PTPN14: variants seen among roughly 807,000 people sequenced by gnomAD.
The protein encoded by PTPN14 is protein tyrosine phosphatase non-receptor type 14.
A neutral mutation model predicts 126.8 loss-of-function variants in PTPN14; 53 were observed. That is an observed-to-expected ratio of 0.42 (90% CI 0.34 to 0.53). The LOEUF (loss-of-function observed/expected upper bound fraction) is 0.53. PTPN14 is among the 20% of genes least tolerant of loss of function. The pLI, the probability that PTPN14 is intolerant of heterozygous loss-of-function variation, is 0.08. For synonymous variants in PTPN14, 630 were observed against 599.3 expected (o/e 1.05, Z -0.75); for missense variants, 1,257 against 1,552.9 (o/e 0.81, Z 3.20).
At chr1:214,545,569 T>C (rs1325692279) in intron 1 of PTPN14, among the ~76,000 whole-genome samples, 3 of 152,140 alleles carry the variant, frequency 2.0e-5, no homozygotes, top group Admixed American at 2.0e-4. Flanking sequence ...GCAATGCTCT[T>C]GGAACAATCT....
intron 3 of PTPN14, among the ~76,000 whole-genome samples, chr1:214,426,117 T>C (rs1225447291): frequency 1.3e-5 from 2 of 150,652 alleles, no homozygotes; most frequent in African/African-American, 2.4e-5. Context: ...CATGAATCCA[T>C]TGACAACATA....
rs900721275 is a variant in PTPN14, at chr1:214,551,421, G to A, written c.-393C>T. On this transcript the variant is annotated 5_prime_UTR_variant, in exon 1 of 19. Coordinates refer to ENST00000366956, the MANE Select transcript of PTPN14 (RefSeq NM_005401.5). ...ACCTAAGCACGGGGCTGTCCCGCCC[G>A]AGGAGGCCGGGGAGGATGGCTCAGC... 1 of 152,558 alleles carries A rather than the reference G, an allele frequency of 6.6e-6. No individual in the cohort carries two copies. Among genetic ancestry groups the A allele is most frequent in the African/African-American group, 2.4e-5 (1 of 41,470 alleles). 9.5% of individuals were successfully genotyped at this position (152,558 alleles called of 1,614,324 possible).
intron 5 of PTPN14, among the ~76,000 whole-genome samples, chr1:214,404,052 C>T (rs1332825701): frequency 6.6e-6 from 1 of 152,170 alleles, no homozygotes; most frequent in Non-Finnish European, 1.5e-5. Flanking sequence ...CGCCCCATTC[C>T]TTTGATTCTA....
intron 3 of PTPN14, among the ~76,000 whole-genome samples, chr1:214,429,304 A>G (rs1022496371): frequency 6.6e-6 from 1 of 152,238 alleles, no homozygotes; most frequent in East Asian, 1.9e-4. Context: ...TATGTTTATT[A>G]TCTTCTCAGT....
At chr1:214,446,004 G>A (rs1041716518) in intron 3 of PTPN14, among the ~76,000 whole-genome samples, 10 of 152,110 alleles carry the variant, frequency 6.6e-5, no homozygotes, top group African/African-American at 2.4e-4. Context: ...AGAAAAGCTG[G>A]CAAAAAGGAA....
intron 1 of PTPN14, among the ~76,000 whole-genome samples, chr1:214,502,782 T>C (rs1199432842): frequency 6.6e-6 from 1 of 152,168 alleles, no homozygotes; most frequent in Non-Finnish European, 1.5e-5. Flanking sequence ...TATAGCGCAA[T>C]AATGTTAAAA....
intron 1 of PTPN14, among the ~76,000 whole-genome samples, chr1:214,498,883 A>G (rs1264512438): frequency 2.6e-5 from 4 of 152,182 alleles, no homozygotes; most frequent in African/African-American, 7.2e-5. Context: ...ATCATAGCTT[A>G]TAACAGCCTT....
intron 1 of PTPN14, among the ~76,000 whole-genome samples, chr1:214,535,133 A>C (rs891098493): frequency 1.3e-5 from 2 of 152,232 alleles, no homozygotes; most frequent in African/African-American, 4.8e-5. Context: ...AAATTAATTG[A>C]AAATGATATA....
chr1:214,403,009 G>A (rs2102567222), intron 5 of PTPN14, 56 bp from the exon 6 acceptor site: 1 of 1,556,684 alleles, frequency 6.4e-7, no homozygotes, highest in Admixed American at 1.7e-5. Flanking sequence ...TTGCTATTTT[G>A]CTTGCAAATC....
chr1:214,410,386 G>T (rs1235813175), intron 5 of PTPN14, among the ~76,000 whole-genome samples: 1 of 151,644 alleles, frequency 6.6e-6, no homozygotes, highest in Non-Finnish European at 1.5e-5. Flanking sequence ...CCTCCACCAG[G>T]GGTTCAAGCG....
intron 8 of PTPN14, among the ~76,000 whole-genome samples, chr1:214,396,434 C>T (rs1658881155): frequency 6.6e-6 from 1 of 152,190 alleles, no homozygotes; most frequent in Non-Finnish European, 1.5e-5. Flanking sequence ...TATCAGATTA[C>T]ATCTACGTGG....
Position 214,451,874 on chromosome 1 carries a change from TC to T in PTPN14, c.274del (p.Glu92SerfsTer47). The T allele has an allele frequency of 6.2e-7, 1 of 1,614,188 alleles. No homozygotes were observed. Among genetic ancestry groups the T allele is most frequent in the Non-Finnish European group, 8.5e-7 (1 of 1,180,038 alleles). ...CATGACTCCAAAGAAAAGCAAAGGC[TC>T]ATTAGCGAATTTGTCCAGATGTTTC... ...LKKHLDKFAN[E>X]PLLFFGVMFY... On this transcript the variant is annotated frameshift_variant, in exon 3 of 19. Transcript: ENST00000366956. LOFTEE classifies it high-confidence loss of function.
chr1:214,431,460 G>C (rs1422417091), intron 3 of PTPN14, among the ~76,000 whole-genome samples: 2 of 152,158 alleles, frequency 1.3e-5, no homozygotes, highest in Non-Finnish European at 1.5e-5. Flanking sequence ...TCTTAAGAAG[G>C]ATAAATAACT....
chr1:214,460,612 TACACACACACAC>T (rs1558112517), intron 2 of PTPN14, among the ~76,000 whole-genome samples: 1 of 149,246 alleles, frequency 6.7e-6, no homozygotes, highest in South Asian at 2.1e-4. Context: ...CACACACACA[TACACACACACAC>T]ATACACACAC....
intron 1 of PTPN14, among the ~76,000 whole-genome samples, chr1:214,507,787 TTAGTCTA>T (rs1449219287): frequency 6.6e-6 from 1 of 152,212 alleles, no homozygotes; most frequent in Non-Finnish European, 1.5e-5. Flanking sequence ...TTTTACACTA[TTAGTCTA>T]TAAAGTGTGC....
At chr1:214,505,537 A>T (rs753944490) in intron 1 of PTPN14, among the ~76,000 whole-genome samples, 2 of 152,226 alleles carry the variant, frequency 1.3e-5, no homozygotes, top group African/African-American at 2.4e-5. Context: ...GAGATGCAGC[A>T]GCCTCAGAAC....
intron 3 of PTPN14, among the ~76,000 whole-genome samples, chr1:214,433,941 C>T (rs1476060331): frequency 3.4e-4 from 6 of 17,694 alleles, no homozygotes; most frequent in Non-Finnish European, 6.1e-4. Flanking sequence ...CACACACACA[C>T]ACACACACAC....
intron 1 of PTPN14, among the ~76,000 whole-genome samples, chr1:214,489,979 C>T (rs961610825): frequency 2.0e-5 from 3 of 152,142 alleles, no homozygotes; most frequent in East Asian, 1.9e-4. Context: ...CAGCTTAGCT[C>T]GGTAAGTGAC....
At chr1:214,538,988 A>T (rs1021632920) in intron 1 of PTPN14, among the ~76,000 whole-genome samples, 18 of 152,226 alleles carry the variant, frequency 1.2e-4, no homozygotes, top group African/African-American at 4.1e-4. Flanking sequence ...GATTTTGTGA[A>T]TAATTCCTGA....
Sources: gnomAD v4.1 joint callset for allele counts (sites outside exome capture counted in the v4.1 genomes callset) on GRCh38, gnomAD v4.1.1 for gene constraint, MANE v1.5 for transcripts, NCBI Gene and HGNC (gene_info 2026-07-23, HGNC 2026-07-21) for gene names.